The following MAGI1 variants were observed in gnomAD, a reference collection of about 807,000 sequenced individuals.
MAGI1 encodes membrane associated guanylate kinase, WW and PDZ domain containing 1.
In MAGI1, 58 loss-of-function variants were observed where a neutral mutation model predicts 139.9. That is an observed-to-expected ratio of 0.41 (90% confidence interval 0.34 to 0.52). MAGI1 has a LOEUF of 0.52. MAGI1 is among the 20% of genes least tolerant of loss of function. The probability of loss-of-function intolerance (pLI) is 0.12; values close to 1 mark genes in which losing one functional copy is unlikely to be tolerated. For missense variants in MAGI1, 1,874 were observed against 1,901.6 expected (o/e 0.99, Z 0.27); for synonymous variants, 812 against 737.9 (o/e 1.10, Z -1.63).
chr3:65,603,244 T>A (rs972987104), intron 2 of MAGI1, among the ~76,000 whole-genome samples: 1 of 152,152 alleles, frequency 6.6e-6, no homozygotes. Flanking sequence ...TACTGTTTAT[T>A]ATATATTTTC....
chr3:65,393,438 T>A (rs1034211022), intron 13 of MAGI1, among the ~76,000 whole-genome samples: 8 of 152,168 alleles, frequency 5.3e-5, no homozygotes, highest in African/African-American at 1.4e-4. Context: ...ACTTTTATGG[T>A]GCATAGAGAA....
At chr3:65,359,456 C>A in intron 22 of MAGI1, 1 of 1,143,820 alleles carries the variant, frequency 8.7e-7, no homozygotes, top group Non-Finnish European at 1.1e-6. Flanking sequence ...ACAACTGGAA[C>A]AATGACAGGC....
chr3:65,977,852 G>A (rs570767682), intron 1 of MAGI1, among the ~76,000 whole-genome samples: 6 of 152,090 alleles, frequency 3.9e-5, no homozygotes, highest in Admixed American at 2.0e-4. Context: ...GTTCTTTGCC[G>A]CCTCGGTGAA....
chr3:65,469,155 C>T (rs1256868655), intron 5 of MAGI1, among the ~76,000 whole-genome samples: 1 of 152,056 alleles, frequency 6.6e-6, no homozygotes. Flanking sequence ...GAAACAAATG[C>T]TCACAGAGAA....
intron 1 of MAGI1, among the ~76,000 whole-genome samples, chr3:65,818,043 A>AGTGTGTGTGTGT (rs57082137): frequency 2.2e-4 from 33 of 149,176 alleles, no homozygotes; most frequent in African/African-American, 7.4e-4. Context: ...TAAAATTATG[A>AGTGTGTGTGTGT]GTGTGTGTGT....
At chr3:65,677,827 T>C (rs2087294260) in intron 1 of MAGI1, among the ~76,000 whole-genome samples, 1 of 152,146 alleles carries the variant, frequency 6.6e-6, no homozygotes, top group African/African-American at 2.4e-5. Flanking sequence ...AAGACAAAAA[T>C]CCAACACCAT....
chr3:65,808,239 C>T (rs1309545161), intron 1 of MAGI1, among the ~76,000 whole-genome samples: 1 of 152,142 alleles, frequency 6.6e-6, no homozygotes, highest in Non-Finnish European at 1.5e-5. Flanking sequence ...CCCGCCTTGG[C>T]CTCCCAAATT....
intron 13 of MAGI1, 56 bp downstream of exon 13, chr3:65,401,383 G>GCCCC: frequency 2.3e-6 from 1 of 433,070 alleles, no homozygotes; most frequent in Non-Finnish European, 4.1e-6. Flanking sequence ...CCCACCTCCA[G>GCCCC]CCCCCCACCA....
chr3:65,466,937 A>G (rs1265575033), intron 5 of MAGI1, among the ~76,000 whole-genome samples: 1 of 152,186 alleles, frequency 6.6e-6, no homozygotes. Flanking sequence ...TTGTTGGATA[A>G]AAGTTTTCTG....
At chr3:65,406,768 T>C (rs779098695) in intron 12 of MAGI1, among the ~76,000 whole-genome samples, 2 of 151,362 alleles carry the variant, frequency 1.3e-5, no homozygotes, top group Admixed American at 1.3e-4. Flanking sequence ...TATATATGTA[T>C]ACACACATAC....
chr3:65,760,378 C>T (rs2036914106), intron 1 of MAGI1, among the ~76,000 whole-genome samples: 1 of 146,776 alleles, frequency 6.8e-6, no homozygotes, highest in African/African-American at 2.5e-5. Context: ...AAGGAAGTAA[C>T]AGAGCGGTAA....
intron 10 of MAGI1, among the ~76,000 whole-genome samples, chr3:65,432,731 A>C (rs1327790371): frequency 6.6e-6 from 1 of 152,112 alleles, no homozygotes; most frequent in African/African-American, 2.4e-5. Flanking sequence ...TATCAGATGG[A>C]AATTGAGGTG....
chr3:65,653,564 G>A (rs1005614582), intron 1 of MAGI1, among the ~76,000 whole-genome samples: 2 of 152,060 alleles, frequency 1.3e-5, no homozygotes, highest in Admixed American at 1.3e-4. Flanking sequence ...TGTACTACAG[G>A]AGTTTATAAA....
At chr3:65,888,566 T>G (rs1042128977) in intron 1 of MAGI1, among the ~76,000 whole-genome samples, 5 of 152,142 alleles carry the variant, frequency 3.3e-5, no homozygotes, top group African/African-American at 1.2e-4. Flanking sequence ...TTTAATGACA[T>G]TAGAAATGAA....
intron 1 of MAGI1, among the ~76,000 whole-genome samples, chr3:65,783,803 CA>C (rs71102879): frequency 0.046 from 5,993 of 129,726 alleles, 246 homozygotes; most frequent in African/African-American, 0.11. Context: ...CAGCCTGTAC[CA>C]AAAAAAAAAA....
At chr3:65,827,317 G>T (rs1447028916) in intron 1 of MAGI1, among the ~76,000 whole-genome samples, 1 of 152,074 alleles carries the variant, frequency 6.6e-6, no homozygotes, top group Non-Finnish European at 1.5e-5. Context: ...GACAGTAAGT[G>T]GGGAAGACGT....
At chr3:65,502,677 C>A (rs2077127175) in intron 2 of MAGI1, among the ~76,000 whole-genome samples, 1 of 152,196 alleles carries the variant, frequency 6.6e-6, no homozygotes, top group African/African-American at 2.4e-5. Context: ...CCCCTTTTTA[C>A]ATGGGGCATT....
At chr3:65,410,868 C>G (rs745835754) in intron 12 of MAGI1, among the ~76,000 whole-genome samples, 4 of 152,190 alleles carry the variant, frequency 2.6e-5, no homozygotes, top group Non-Finnish European at 5.9e-5. Context: ...TGACTGGCCA[C>G]AAAAACTCAG....
intron 1 of MAGI1, among the ~76,000 whole-genome samples, chr3:65,745,055 G>C (rs1021328306): frequency 3.3e-5 from 5 of 151,952 alleles, no homozygotes; most frequent in Non-Finnish European, 7.4e-5. Context: ...GAATCATACA[G>C]TGTTGGTCCT....
Sources: allele counts gnomAD v4.1 joint callset (sites outside exome capture counted in the v4.1 genomes callset), GRCh38; gene constraint gnomAD v4.1.1; transcripts MANE v1.5; gene names NCBI Gene and HGNC (gene_info 2026-07-23, HGNC 2026-07-21).